Variants in USP42 observed in about 807,000 individuals in gnomAD.
USP42 encodes ubiquitin carboxyl-terminal hydrolase 42.
Under a neutral mutation model 113.0 loss-of-function variants are expected in USP42, and 23 were observed. The ratio of observed to expected loss-of-function variants is 0.20; its 90% CI spans 0.15 to 0.29. USP42 has a LOEUF of 0.29. Among genes scored for constraint, USP42 ranks in the 10% least tolerant of loss-of-function variants. The pLI is 1.00. For synonymous variants in USP42, 933 were observed against 699.0 expected (o/e 1.33, Z -5.28); for missense variants, 2,174 against 1,779.8 (o/e 1.22, Z -3.99).
At position 6,159,140 on chromosome 7, in the gene USP42, C is replaced by G. The variant is rs766691478; in HGVS notation, c.3944-310C>G. Among the ~76,000 whole-genome samples the G allele has an allele frequency of 2.6e-5, 4 of 152,194 alleles. No individual in the cohort carries two copies. Among genetic ancestry groups the G allele is most frequent in the Non-Finnish European group, 5.9e-5 (4 of 68,026 alleles). On this transcript the variant is annotated intron_variant, in intron 16 of 17. Transcript: ENST00000306177. The surrounding 1 kb of genome is among the most constrained non-coding windows in gnomAD (Gnocchi z 4.1). Reference sequence around the variant, plus strand: ...CTGGACTTCGGCCCCTTGTCTTTCTCTTTCAAACTCCTCCTCTGGCTCTGT... The same window carrying G: ...CTGGACTTCGGCCCCTTGTCTTTCTGTTTCAAACTCCTCCTCTGGCTCTGT...
Position 6,154,458 on chromosome 7 carries a change from G to C in USP42, c.2904G>C (p.Glu968Asp), listed in dbSNP as rs775585294. ...CGTCCAGCGGGGAGCCCGCCAGAGA[G>C]AGCAGGAGCAAGACTGAGGGCCACC... ...ERSSSGEPARESRSKTEGHRH... is the reference protein window; with the variant it reads ...ERSSSGEPARDSRSKTEGHRH... The change falls in exon 15 of 18, where the codon GAG becomes GAC. Residue 968 changes from glutamate to aspartate, a missense_variant. Physicochemically the swap from Glu to Asp is conservative, Grantham distance 45 (BLOSUM62 2). Coordinates refer to ENST00000306177, the MANE Select transcript of USP42 (RefSeq NM_032172.3). 29 of 1,563,262 alleles carry C rather than the reference G, an allele frequency of 1.9e-5. No homozygotes were observed. The South Asian group carries it at 3.3e-4, about 18-fold the overall frequency.
rs561480931 is a variant in USP42, at chr7:6,156,977, G to A, written c.3865G>A (p.Gly1289Arg). Reference sequence around the variant, plus strand: ...TGGTGGCCCGCCTCTGGAAGGCGTCGGACCTTTCCGTGAGAAAACGAAACA... The same window carrying A: ...TGGTGGCCCGCCTCTGGAAGGCGTCAGACCTTTCCGTGAGAAAACGAAACA... ...LSGGPPLEGV[G>R]PFREKTKHLR... Residue 1289 changes from glycine to arginine, a missense_variant, in exon 16 of 18, where the codon GGA becomes AGA. By Grantham distance (125) the Gly-to-Arg change is moderately radical. Coordinates refer to ENST00000306177, the MANE Select transcript of USP42 (RefSeq NM_032172.3). 38 of 1,613,630 alleles carry A rather than the reference G, an allele frequency of 2.4e-5. No individual in the cohort carries two copies. Among genetic ancestry groups the A allele is most frequent in the Middle Eastern group, 1.6e-4 (1 of 6,062 alleles).
chr7:6,105,691 C>T (rs946838563), intron 1 of USP42, among the ~76,000 whole-genome samples: 7 of 152,212 alleles, frequency 4.6e-5, no homozygotes, highest in African/African-American at 1.4e-4. Flanking sequence ...GTGGCGCGTC[C>T]CCAAAAGCAT....
At chr7:6,090,708 C>T in the USP42 span, among the ~76,000 whole-genome samples, 1 of 145,800 alleles carries the variant, frequency 6.9e-6, no homozygotes, top group African/African-American at 2.6e-5. Context: ...GAGTGAGACT[C>T]TGTCTCAAAT....
chr7:6,103,258 A>T (rs1464066079), upstream of USP42, among the ~76,000 whole-genome samples: 1 of 151,094 alleles, frequency 6.6e-6, no homozygotes, highest in Non-Finnish European at 1.5e-5. Context: ...GATTTGAGAT[A>T]AAATCTGGAC....
At chr7:6,133,130 C>CT (rs1315007070) in intron 3 of USP42, among the ~76,000 whole-genome samples, 2 of 152,136 alleles carry the variant, frequency 1.3e-5, no homozygotes, top group Non-Finnish European at 2.9e-5. Flanking sequence ...CTTTCAGTGA[C>CT]TTTTGAAAAC....
intron 7 of USP42, 101 bp downstream of exon 7, chr7:6,141,085 T>C: frequency 8.8e-6 from 5 of 567,292 alleles, no homozygotes; most frequent in Non-Finnish European, 1.5e-5. Context: ...AGAATATAAA[T>C]TGAAAAATTC....
intron 3 of USP42, among the ~76,000 whole-genome samples, chr7:6,125,603 AT>A (rs1467222131): frequency 1.3e-5 from 2 of 151,980 alleles, no homozygotes; most frequent in African/African-American, 2.4e-5. Context: ...TTGTTGTATT[AT>A]TTTTTTCTTT....
chr7:6,156,274 T>C (rs1411300156), intron 15 of USP42, among the ~76,000 whole-genome samples: 3 of 152,202 alleles, frequency 2.0e-5, no homozygotes, highest in Non-Finnish European at 4.4e-5. Flanking sequence ...AGGCTTAGTA[T>C]TTCCTTTCCC....
chr7:6,087,929 G>A, the USP42 span, among the ~76,000 whole-genome samples: 1 of 151,152 alleles, frequency 6.6e-6, no homozygotes, highest in Non-Finnish European at 1.5e-5. Context: ...GTTGCAAACA[G>A]TAAATGAGTT....
At chr7:6,155,296 A>G (rs796239771) in intron 15 of USP42, 101 bp downstream of exon 15, 3 of 1,432,594 alleles carry the variant, frequency 2.1e-6, no homozygotes, top group South Asian at 3.1e-5. Flanking sequence ...CAGCCAGGCC[A>G]CAGTTGTATC....
intron 1 of USP42, among the ~76,000 whole-genome samples, chr7:6,107,370 T>C (rs1048456992): frequency 6.6e-6 from 1 of 152,036 alleles, no homozygotes; most frequent in Non-Finnish European, 1.5e-5. Context: ...CCTTTTCTTA[T>C]ATTTCTTACA....
intron 7 of USP42, among the ~76,000 whole-genome samples, chr7:6,142,289 T>C (rs1781474554): frequency 6.6e-6 from 1 of 151,640 alleles, no homozygotes; most frequent in South Asian, 2.1e-4. Flanking sequence ...CGATCTCGGC[T>C]CACTGCAACC....
intron 4 of USP42, among the ~76,000 whole-genome samples, chr7:6,136,798 T>G (rs1015045868): frequency 6.6e-6 from 1 of 151,962 alleles, no homozygotes; most frequent in Non-Finnish European, 1.5e-5. Context: ...ATTCTCTTTT[T>G]TCGGTTCTTC....
At chr7:6,127,715 C>T (rs1318322698) in intron 3 of USP42, among the ~76,000 whole-genome samples, 2 of 152,198 alleles carry the variant, frequency 1.3e-5, no homozygotes, top group African/African-American at 4.8e-5. Flanking sequence ...ATTCCTTCCA[C>T]TTTATTCTTC....
At chr7:6,140,853 T>A in intron 6 of USP42, 61 bp from the exon 7 acceptor site, 1 of 880,920 alleles carries the variant, frequency 1.1e-6, no homozygotes, top group African/African-American at 1.7e-5. Context: ...GTCATTTCAG[T>A]AGTTGATGTT....
Position 6,158,408 on chromosome 7 carries a change from T to G in USP42, c.3944-1042T>G, listed in dbSNP as rs1218655193. On this transcript the variant is annotated intron_variant, in intron 16 of 17. Transcript: ENST00000306177. This position sits in a 1 kb window ranked among gnomAD's most constrained non-coding sequence, Gnocchi z 4.2. ...CCTCCCAGGGGCTTTTGACGAATCTTCAGGGCTGCCCTGAGGCCTTTTGCT... is the reference window on the plus strand; with the variant it reads ...CCTCCCAGGGGCTTTTGACGAATCTGCAGGGCTGCCCTGAGGCCTTTTGCT... 1.3e-5 allele frequency among the ~76,000 whole-genome samples: 2 copies of G among 152,250 alleles called. No homozygotes were observed. The highest frequency in any genetic ancestry group is 2.9e-5 in the Non-Finnish European group (2 of 68,050).
Position 6,157,346 on chromosome 7 carries a change from C to T in USP42, c.3943+291C>T, listed in dbSNP as rs1041846051. The T allele has an allele frequency of 1.2e-5, 13 of 1,080,840 alleles. No individual in the cohort carries two copies. The highest frequency in any genetic ancestry group is 1.5e-5 in the Non-Finnish European group (13 of 892,176). The allele number at this position is 1,080,840 out of a possible 1,614,324, so 67.0% of individuals were successfully genotyped here. ...TACAGCTCTAGGCATCTGACTTTGC[C>T]TTGCAAAGGACCAGAACTCTTGGTT... On this transcript the variant is annotated intron_variant, in intron 16 of 17. Coordinates refer to ENST00000306177, the MANE Select transcript of USP42 (RefSeq NM_032172.3). This position sits in a 1 kb window ranked among gnomAD's most constrained non-coding sequence, Gnocchi z 4.1.
At position 6,146,130 on chromosome 7, in the gene USP42, A is replaced by G. The variant is rs952226141; in HGVS notation, c.1132-18A>G. 7.4e-6 allele frequency: 11 copies of G among 1,477,528 alleles called. No individual in the cohort carries two copies. The highest frequency in any genetic ancestry group is 1.0e-5 in the Non-Finnish European group (11 of 1,078,718). The allele number at this position is 1,477,528 out of a possible 1,614,324, so 91.5% of individuals were successfully genotyped here. On this transcript the variant is annotated intron_variant, in intron 10 of 17. Coordinates refer to ENST00000306177, the MANE Select transcript of USP42 (RefSeq NM_032172.3). ...TAATTAAATCTAATCTCTCTCTTTTATTGGCTCTCATTTATAGGCTAGCAA... is the reference window on the plus strand; with the variant it reads ...TAATTAAATCTAATCTCTCTCTTTTGTTGGCTCTCATTTATAGGCTAGCAA...
Sources: gnomAD v4.1 joint callset for allele counts (sites outside exome capture counted in the v4.1 genomes callset) on GRCh38, gnomAD v4.1.1 for gene constraint, Gnocchi (gnomAD v3.1) non-coding constraint, MANE v1.5 for transcripts, NCBI Gene and HGNC (gene_info 2026-07-23, HGNC 2026-07-21) for gene names.